Variants in IGDCC4 observed in about 807,000 individuals in gnomAD.
IGDCC4 encodes the protein likely ortholog of mouse neighbor of Punc E11.
A neutral mutation model predicts 116.6 loss-of-function variants in IGDCC4; 72 were observed. The ratio of observed to expected loss-of-function variants is 0.62; its 90% confidence interval spans 0.51 to 0.75. The LOEUF (loss-of-function observed/expected upper bound fraction) is 0.75, where lower values mean the gene tolerates loss of function less well. Among genes scored for constraint, IGDCC4 ranks in the 30% least tolerant of loss-of-function variants. The probability of loss-of-function intolerance (pLI) is 0.00; values close to 1 mark genes in which losing one functional copy is unlikely to be tolerated. For synonymous variants in IGDCC4, 709 were observed against 719.9 expected (o/e 0.98, Z 0.24); for missense variants, 1,501 against 1,662.4 (o/e 0.90, Z 1.69).
rs1321208558 is a variant in IGDCC4 at position 65,392,190 on chromosome 15, T to C, written c.2066A>G (p.Asp689Gly). ...CTTCTTGAGCCGGACAGGCCCCACA[T>C]CCCAAGCCTGGTCTCCACGGCCCCC... ...LPGGRGDQAW[D>G]VGPVRLKKKV... The change falls in exon 11 of 20, where the codon GAT becomes GGT. Residue 689 changes from aspartate (D) to glycine (G), a missense_variant. Asp to Gly is a moderately conservative substitution (Grantham distance 94). Transcript: ENST00000352385. The C allele has an allele frequency of 4.4e-6, 7 of 1,607,274 alleles. No individual in the cohort carries two copies. The highest frequency in any genetic ancestry group is 5.9e-6 in the Non-Finnish European group (7 of 1,176,610).
chr15:65,414,576 C>G (rs1446658257), intron 1 of IGDCC4, among the ~76,000 whole-genome samples: 2 of 152,228 alleles, frequency 1.3e-5, no homozygotes, highest in Non-Finnish European at 2.9e-5. Flanking sequence ...AGGAATTAAA[C>G]AAGACAATGT....
intron 1 of IGDCC4, among the ~76,000 whole-genome samples, chr15:65,416,600 C>G (rs2063147197): frequency 6.6e-6 from 1 of 152,124 alleles, no homozygotes; most frequent in African/African-American, 2.4e-5. Flanking sequence ...CCACCCCCAG[C>G]CCACTGTCAT....
intron 16 of IGDCC4, among the ~76,000 whole-genome samples, chr15:65,387,073 C>A (rs938128384): frequency 6.6e-6 from 1 of 152,146 alleles, no homozygotes; most frequent in Admixed American, 6.5e-5. Context: ...GTCACCCAGG[C>A]CGGAGTGCAG....
intron 18 of IGDCC4, chr15:65,385,429 T>A: frequency 1.9e-6 from 1 of 518,142 alleles, no homozygotes; most frequent in East Asian, 3.6e-5. Flanking sequence ...CCTGCCAGCA[T>A]GAAAGGGACC....
chr15:65,385,986 G>C lies in IGDCC4; in HGVS notation c.3025C>G (p.Pro1009Ala), dbSNP rs200433662. 1.6e-4 allele frequency: 256 copies of C among 1,598,622 alleles called. No individual in the cohort carries two copies. The Admixed American group carries it at 1.7e-3, about 11-fold the overall frequency. Residue 1009 changes from proline (P) to alanine (A), a missense_variant, in exon 18 of 20, where the codon CCC becomes GCC. By Grantham distance (27) the Pro-to-Ala change is conservative. Around this residue, in one of 3 missense-constraint regions of IGDCC4, gnomAD observed 368 missense variants for 355.6 expected, o/e 1.03. Transcript: ENST00000352385. The part of the protein sequence containing the change: ...PALYSRARLG[P>A]PSPPAAHELE... ...TCATGGGCAGCTGGGGGGCTGGGGG[G>C]GCCAAGCCGAGCTCTGGAGTACAGC...
intron 1 of IGDCC4, among the ~76,000 whole-genome samples, chr15:65,418,130 A>G (rs2063160673): frequency 6.6e-6 from 1 of 152,058 alleles, no homozygotes; most frequent in Non-Finnish European, 1.5e-5. Flanking sequence ...AACAACAGTA[A>G]CTCCCTTCAG....
chr15:65,384,114 G>A lies in IGDCC4; in HGVS notation c.3648C>T (p.Gly1216=), dbSNP rs373614721. Reference sequence around the variant, plus strand: ...CTCCAGGGGTCTCCTCTAGCACCTCGCCTGGCTGGAGGTCCGGGTAGGAGC... The same window carrying A: ...CTCCAGGGGTCTCCTCTAGCACCTCACCTGGCTGGAGGTCCGGGTAGGAGC... ...ASCSYPDLQP[G]EVLEETPGDS... is the part of the protein sequence containing the mutation. Residue 1216 remains glycine (G), a synonymous_variant, in exon 20 of 20, where the codon GGC becomes GGT. Coordinates refer to ENST00000352385, the MANE Select transcript of IGDCC4 (RefSeq NM_020962.3). This position sits in a 1 kb window ranked among gnomAD's most constrained non-coding sequence, Gnocchi z 4.9. 10 of 1,612,966 alleles carry A rather than the reference G, an allele frequency of 6.2e-6. No homozygotes were observed. The highest frequency in any genetic ancestry group is 3.3e-5 in the Admixed American group (2 of 59,838).
At chr15:65,399,102 G>A in intron 5 of IGDCC4, among the ~76,000 whole-genome samples, 1 of 152,092 alleles carries the variant, frequency 6.6e-6, no homozygotes, top group East Asian at 1.9e-4. Flanking sequence ...ACCTTGTTAA[G>A]ATGTAGAGGA....
intron 16 of IGDCC4, among the ~76,000 whole-genome samples, chr15:65,387,719 C>T (rs746489449): frequency 5.3e-5 from 8 of 151,976 alleles, no homozygotes; most frequent in Non-Finnish European, 1.2e-4. Flanking sequence ...CTGGAAATTA[C>T]GTAGCCAGTC....
intron 2 of IGDCC4, 190 bp downstream of exon 2, chr15:65,410,830 A>G (rs1050522758): frequency 3.4e-6 from 2 of 590,296 alleles, no homozygotes; most frequent in Non-Finnish European, 6.0e-6. Flanking sequence ...AGAAGCGGGA[A>G]GATTATGGAA....
At position 65,422,922 on chromosome 15, in the gene IGDCC4, G is replaced by C. The variant is rs923093259; in HGVS notation, c.-60C>G. 1.9e-5 allele frequency: 18 copies of C among 968,548 alleles called. No individual in the cohort carries two copies. The highest frequency in any genetic ancestry group is 2.0e-5 in the Non-Finnish European group (16 of 816,552). 60.0% of individuals were successfully genotyped at this position (968,548 alleles called of 1,614,324 possible). A position where few individuals can be genotyped will look rare whatever the true frequency, so the allele number is the denominator to read the frequency against. On this transcript the variant is annotated 5_prime_UTR_variant, in exon 1 of 20. Coordinates refer to ENST00000352385, the MANE Select transcript of IGDCC4 (RefSeq NM_020962.3). ...CTCCCCGTGCTTCGGCCGCCGCCGC[G>C]GGGGGAGAGCGCGCCGGGCGTCAGT...
Position 65,385,994 on chromosome 15 carries a change from C to G in IGDCC4, c.3017G>C (p.Arg1006Pro). 1 of 1,599,358 alleles carries G rather than the reference C, an allele frequency of 6.3e-7. No homozygotes were observed. Among genetic ancestry groups the G allele is most frequent in the African/African-American group, 1.3e-5 (1 of 74,080 alleles). Residue 1006 changes from arginine (R) to proline (P), a missense_variant, in exon 18 of 20, where the codon CGG (arginine) becomes CCG (proline). By Grantham distance (103) the Arg-to-Pro change is moderately radical. Around this residue, in one of 3 missense-constraint regions of IGDCC4, gnomAD observed 368 missense variants for 355.6 expected, o/e 1.03. Coordinates refer to ENST00000352385, the MANE Select transcript of IGDCC4 (RefSeq NM_020962.3). ...PGNPALYSRA[R>P]LGPPSPPAAH... Reference sequence around the variant, plus strand: ...AGCTGGGGGGCTGGGGGGGCCAAGCCGAGCTCTGGAGTACAGCGCGGGATT... The same window carrying G: ...AGCTGGGGGGCTGGGGGGGCCAAGCGGAGCTCTGGAGTACAGCGCGGGATT...
chr15:65,389,378 C>A lies in IGDCC4; in HGVS notation c.2442G>T (p.Lys814Asn). 1.9e-6 allele frequency: 3 copies of A among 1,614,200 alleles called. No individual in the cohort carries two copies. Among genetic ancestry groups the A allele is most frequent in the Non-Finnish European group, 2.5e-6 (3 of 1,180,030 alleles). ...SGEDILIGGL[K>N]PFTKYEFAVQ... ...CTGCAAACTCGTATTTGGTGAATGG[C>A]TTCAAGCCGCCAATGAGGATGTCTT... Residue 814 changes from lysine to asparagine, a missense_variant, in exon 14 of 20, where the codon AAG becomes AAT. Lys to Asn is a moderately conservative substitution (Grantham distance 94). Transcript: ENST00000352385.
chr15:65,384,081 G>T lies in IGDCC4; in HGVS notation c.3681C>A (p.Cys1227Ter). 6.2e-7 allele frequency: 1 copy of T among 1,613,688 alleles called. No individual in the cohort carries two copies. The highest frequency in any genetic ancestry group is 8.5e-7 in the Non-Finnish European group (1 of 1,179,738). The stretch of plus-strand genomic sequence containing the variant: ...CTAGAGGGCAGGGGGATTTGAGCTG[G>T]CAGCTATCTCCAGGGGTCTCCTCTA... ...EVLEETPGDS[C>*]QLKSPCPLGA... Residue 1227 changes from cysteine to a stop codon, truncating the protein, a stop_gained, in exon 20 of 20, where the codon TGC becomes TGA. Transcript: ENST00000352385. LOFTEE classifies it high-confidence loss of function. The surrounding 1 kb of genome is among the most constrained non-coding windows in gnomAD (Gnocchi z 4.9).
chr15:65,396,095 A>G lies in IGDCC4; in HGVS notation c.1066T>C (p.Cys356Arg). The G allele has an allele frequency of 7.2e-7, 1 of 1,391,390 alleles. No individual in the cohort carries two copies. Among genetic ancestry groups the G allele is most frequent in the Non-Finnish European group, 9.3e-7 (1 of 1,080,606 alleles). The allele number at this position is 1,391,390 out of a possible 1,614,324, so 86.2% of individuals were successfully genotyped here. Reference sequence around the variant, plus strand: ...GGCCGCGGCTCCCCCGACGCGCGGCACACGAAGCGCGCTGTGCTCGCCCGC... The same window carrying G: ...GGCCGCGGCTCCCCCGACGCGCGGCGCACGAAGCGCGCTGTGCTCGCCCGC... Reference protein sequence around the residue: ...RTRASTARFVCRASGEPRPAL... With the variant: ...RTRASTARFVRRASGEPRPAL... Residue 356 changes from cysteine (C) to arginine (R), a missense_variant, in exon 7 of 20, where the codon TGC (cysteine) becomes CGC (arginine). Cys to Arg is a radical substitution (Grantham distance 180, BLOSUM62 -3). Around this residue, in one of 3 missense-constraint regions of IGDCC4, gnomAD observed 898 missense variants for 978.9 expected, o/e 0.92. Transcript: ENST00000352385.
chr15:65,422,805 A>C lies in IGDCC4; in HGVS notation c.58T>G (p.Leu20Val), dbSNP rs1431410897. 19 of 1,303,762 alleles carry C rather than the reference A, an allele frequency of 1.5e-5. No homozygotes were observed. Among genetic ancestry groups the C allele is most frequent in the Middle Eastern group, 3.0e-4 (1 of 3,342 alleles). 80.8% of individuals were successfully genotyped at this position (1,303,762 alleles called of 1,614,324 possible). ...CGCCCGCCCTTACCGCGCGCGGCCA[A>C]CAGGCAGAAGGTCAACGCGAGGAGC... Reference protein sequence around the residue: ...RGLLALTFCLLAARGELLLPQ... With the variant: ...RGLLALTFCLVAARGELLLPQ... The change falls in exon 1 of 20, where the codon TTG becomes GTG. Residue 20 changes from leucine (L) to valine (V), a missense_variant. Leu to Val is a conservative substitution (Grantham distance 32). This residue lies in a region of IGDCC4 where 898 missense variants were observed against 978.9 expected (regional missense o/e 0.92). Coordinates refer to ENST00000352385, the MANE Select transcript of IGDCC4 (RefSeq NM_020962.3).
At chr15:65,406,950 T>A (rs144263149) in intron 3 of IGDCC4, among the ~76,000 whole-genome samples, 2 of 152,150 alleles carry the variant, frequency 1.3e-5, no homozygotes, top group East Asian at 3.9e-4. Context: ...CCAGCCACAG[T>A]TGGACTACAG....
chr15:65,420,627 C>T (rs780952793), intron 1 of IGDCC4, among the ~76,000 whole-genome samples: 20 of 152,098 alleles, frequency 1.3e-4, no homozygotes, highest in Admixed American at 9.8e-4. Context: ...TTCCATGCTT[C>T]CCTCACCTGC....
At chr15:65,386,420 C>T in intron 17 of IGDCC4, 131 bp downstream of exon 17, 1 of 788,666 alleles carries the variant, frequency 1.3e-6, no homozygotes, top group Non-Finnish European at 2.1e-6. Flanking sequence ...TTCCTTCATC[C>T]CAGAGTCCTG....
Sources: allele counts gnomAD v4.1 joint callset (sites outside exome capture counted in the v4.1 genomes callset), GRCh38; gene constraint gnomAD v4.1.1; regional missense constraint gnomAD v4.1.1; non-coding constraint Gnocchi (gnomAD v3.1); transcripts MANE v1.5; gene names NCBI Gene and HGNC (gene_info 2026-07-23, HGNC 2026-07-21).